MILR1: variants seen among roughly 807,000 people sequenced by gnomAD.
MILR1 encodes the protein mast cell immunoglobulin like receptor 1, also known as allergin-1.
A neutral mutation model predicts 18.5 loss-of-function variants in MILR1; 31 were observed. The ratio of observed to expected loss-of-function variants is 1.68; its 90% CI spans 1.26 to 2.26. The LOEUF (loss-of-function observed/expected upper bound fraction) is 2.26, where lower values mean the gene tolerates loss of function less well. Among genes scored for constraint, MILR1 ranks in the 30% most tolerant of loss-of-function variants. MILR1 has a pLI of 0.00. For missense variants in MILR1, 257 were observed against 157.4 expected, an observed-to-expected ratio of 1.63 and a Z score of -3.38; for synonymous variants, 85 against 56.2, an observed-to-expected ratio of 1.51 and a Z score of -2.30.
chr17:64,462,848 A>C (rs2037463641), intron 5 of MILR1, among the ~76,000 whole-genome samples: 1 of 151,136 alleles, frequency 6.6e-6, no homozygotes, highest in Non-Finnish European at 1.5e-5. Context: ...TTGGTCTTGA[A>C]CTCCTGACCT....
At chr17:64,471,205 C>T (rs920045084), downstream of MILR1, among the ~76,000 whole-genome samples, 3 of 152,088 alleles carry the variant, frequency 2.0e-5, no homozygotes, top group African/African-American at 7.2e-5. Context: ...AGGCCCAATG[C>T]GCCATGGGAA....
chr17:64,467,000 TTTA>T (rs1167281087), intron 8 of MILR1, among the ~76,000 whole-genome samples: 3 of 151,684 alleles, frequency 2.0e-5, no homozygotes, highest in African/African-American at 7.3e-5. Flanking sequence ...TCTGTCTCTC[TTTA>T]TTTTTTCTTT....
chr17:64,465,326 G>A, intron 5 of MILR1, 126 bp from the exon 6 acceptor site: 1 of 686,858 alleles, frequency 1.5e-6, no homozygotes, highest in East Asian at 2.8e-5. Flanking sequence ...TTAGACAACA[G>A]TTTGGGCCAT....
the MILR1 span, chr17:64,496,556 A>C: frequency 6.2e-7 from 1 of 1,613,924 alleles, no homozygotes; most frequent in Non-Finnish European, 8.5e-7. Context: ...CCCGGGTAGC[A>C]AAGGGCCTGG....
At chr17:64,474,513 T>C in the MILR1 span, among the ~76,000 whole-genome samples, 1 of 152,198 alleles carries the variant, frequency 6.6e-6, no homozygotes, top group Non-Finnish European at 1.5e-5. Context: ...TAGCTGGGAC[T>C]ATAGGCCTGA....
At chr17:64,490,768 A>T in the MILR1 span, 1 of 1,581,422 alleles carries the variant, frequency 6.3e-7, no homozygotes. Context: ...TGGGTAAAAA[A>T]TACATAGGAG....
chr17:64,476,855 AAG>A, the MILR1 span, among the ~76,000 whole-genome samples: 1 of 151,848 alleles, frequency 6.6e-6, no homozygotes. Context: ...TAAAAAAAAA[AAG>A]AGAAAAACCT....
chr17:64,466,238 G>T (rs993124147), intron 6 of MILR1, among the ~76,000 whole-genome samples: 1 of 152,184 alleles, frequency 6.6e-6, no homozygotes, highest in Non-Finnish European at 1.5e-5. Context: ...TCTCCACCTG[G>T]TCCCTCCCAT....
the MILR1 span, among the ~76,000 whole-genome samples, chr17:64,495,223 C>T: frequency 6.7e-6 from 1 of 149,390 alleles, no homozygotes; most frequent in Non-Finnish European, 1.5e-5. Context: ...TAGGTGTGCT[C>T]ATTGCTACTG....
chr17:64,463,237 G>C (rs2037471319), intron 5 of MILR1, among the ~76,000 whole-genome samples: 1 of 151,032 alleles, frequency 6.6e-6, no homozygotes, highest in Admixed American at 6.6e-5. Context: ...TGAACTCCTG[G>C]ACTCAGGCGA....
chr17:64,468,864 C>T (rs1555664046), downstream of MILR1, among the ~76,000 whole-genome samples: 1 of 152,064 alleles, frequency 6.6e-6, no homozygotes, highest in South Asian at 2.1e-4. Flanking sequence ...GTGGGTGGAT[C>T]ACTTCAGGTC....
intron 5 of MILR1, 38 bp from the exon 6 acceptor site, chr17:64,465,414 A>G: frequency 2.1e-6 from 3 of 1,436,908 alleles, no homozygotes; most frequent in Non-Finnish European, 1.9e-6. Flanking sequence ...AATGTGGCTG[A>G]ATTGGTTTAA....
Position 64,468,542 on chromosome 17 carries a change from G to A in MILR1, c.*261G>A. On this transcript the variant is annotated 3_prime_UTR_variant, in exon 10 of 10. Transcript: ENST00000619286. ...GACCTCAGATGATCTGCCTGCCTCG[G>A]CCTCCCAAAGTGCTGGAACTACAAG... The A allele has an allele frequency of 5.4e-6, 5 of 930,420 alleles. No individual in the cohort carries two copies. The highest frequency in any genetic ancestry group is 6.9e-6 in the Non-Finnish European group (5 of 720,866). 57.6% of individuals were successfully genotyped at this position (930,420 alleles called of 1,614,324 possible). A position where few individuals can be genotyped will look rare whatever the true frequency, so the allele number is the denominator to read the frequency against.
At chr17:64,452,290 G>C (rs972618291) in intron 2 of MILR1, among the ~76,000 whole-genome samples, 1 of 151,902 alleles carries the variant, frequency 6.6e-6, no homozygotes, top group Non-Finnish European at 1.5e-5. Context: ...GTCTCACTCT[G>C]TCACCCAGCC....
At chr17:64,467,933 CT>C (rs1289932156) in intron 9 of MILR1, 1 of 119,324 alleles carries the variant, frequency 8.4e-6, no homozygotes, top group South Asian at 5.1e-5. Flanking sequence ...AAGACTTCAT[CT>C]CAAAAAAAAA....
At chr17:64,485,445 C>T in the MILR1 span, 1 of 395,754 alleles carries the variant, frequency 2.5e-6, no homozygotes, top group African/African-American at 2.1e-5. Context: ...AATGGAAGCC[C>T]ACAGTGGAAA....
the MILR1 span, chr17:64,491,469 A>C: frequency 9.1e-7 from 1 of 1,103,176 alleles, no homozygotes; most frequent in South Asian, 1.3e-5. Context: ...GTGATTGTGC[A>C]ACGGCAGTCC....
intron 3 of MILR1, among the ~76,000 whole-genome samples, chr17:64,456,252 T>C (rs1375674129): frequency 2.0e-5 from 3 of 150,364 alleles, no homozygotes; most frequent in African/African-American, 7.5e-5. Context: ...CTGGCACGCC[T>C]GGCACATGAT....
chr17:64,486,973 T>TA, the MILR1 span: 3 of 152,290 alleles, frequency 2.0e-5, no homozygotes, highest in East Asian at 3.9e-4. Flanking sequence ...AAGTTTTGGA[T>TA]AAAAACAGTT....
Sources: gnomAD v4.1 joint callset for allele counts (sites outside exome capture counted in the v4.1 genomes callset) on GRCh38, gnomAD v4.1.1 for gene constraint, MANE v1.5 for transcripts, NCBI Gene and HGNC (gene_info 2026-07-23, HGNC 2026-07-21) for gene names.